IP6K3: variants seen among roughly 807,000 people sequenced by gnomAD.
IP6K3 encodes inositol hexakisphosphate kinase 3.
A neutral mutation model predicts 28.8 loss-of-function variants in IP6K3; 20 were observed. That is an observed-to-expected ratio of 0.70 (90% CI 0.49 to 1.01). The LOEUF (loss-of-function observed/expected upper bound fraction) is 1.01, where lower values mean the gene tolerates loss of function less well. IP6K3 is among the 50% of genes least tolerant of loss of function. IP6K3 has a pLI of 0.00. For missense variants in IP6K3, 480 were observed against 537.1 expected, an observed-to-expected ratio of 0.89 and a Z score of 1.05; for synonymous variants, 213 against 221.3, an observed-to-expected ratio of 0.96 and a Z score of 0.33.
rs867055348 is a variant in IP6K3 at position 33,744,948 on chromosome 6, G to A, written c.-180+1810C>T. 6.6e-6 allele frequency among the ~76,000 whole-genome samples: 1 copy of A among 152,232 alleles called. No individual in the cohort carries two copies. Among genetic ancestry groups the A allele is most frequent in the African/African-American group, 2.4e-5 (1 of 41,468 alleles). ...GGCAGAGCAGGATGGGGTCTCCAGCGATCTCCACCCCATCTGTCCATCCCG... is the reference window on the plus strand; with the variant it reads ...GGCAGAGCAGGATGGGGTCTCCAGCAATCTCCACCCCATCTGTCCATCCCG... On this transcript the variant is annotated intron_variant, in intron 1 of 5. Transcript: ENST00000293756. This position sits in a 1 kb window ranked among gnomAD's most constrained non-coding sequence, Gnocchi z 4.4.
chr6:33,735,960 T>C (rs904382604), intron 1 of IP6K3, among the ~76,000 whole-genome samples: 1 of 151,834 alleles, frequency 6.6e-6, no homozygotes. Context: ...CTTGACCTCC[T>C]GGGCTCAAAT....
rs746168984 is a variant in IP6K3, at chr6:33,726,766, C to T, written c.554G>A (p.Arg185His). 1.2e-5 allele frequency: 19 copies of T among 1,603,544 alleles called. No individual in the cohort carries two copies. Among genetic ancestry groups the T allele is most frequent in the East Asian group, 9.0e-5 (4 of 44,630 alleles). The change falls in exon 4 of 6, where the codon CGC (arginine) becomes CAC (histidine). Residue 185 changes from arginine (R) to histidine (H), a missense_variant. Physicochemically the swap from Arg to His is conservative, Grantham distance 29 (BLOSUM62 0). Coordinates refer to ENST00000293756, the MANE Select transcript of IP6K3 (RefSeq NM_054111.5). Reference sequence around the variant, plus strand: ...GTTCTCTGGGTACTCGGAGCACAGGCGGGTCAGGTGGGCCTGGTGGCATTG... The same window carrying T: ...GTTCTCTGGGTACTCGGAGCACAGGTGGGTCAGGTGGGCCTGGTGGCATTG... ...GLQCHQAHLT[R>H]LCSEYPENKR...
Position 33,726,798 on chromosome 6 carries a change from C to T in IP6K3, c.522G>A (p.Trp174Ter), listed in dbSNP as rs1766130981. 5 of 1,613,014 alleles carry T rather than the reference C, an allele frequency of 3.1e-6. No individual in the cohort carries two copies. In the East Asian group the frequency reaches 1.1e-4, roughly 36 times the overall value. The change falls in exon 4 of 6, where the codon TGG (tryptophan) becomes TGA (stop). Residue 174 changes from tryptophan to a stop codon, truncating the protein, a stop_gained. Coordinates refer to ENST00000293756, the MANE Select transcript of IP6K3 (RefSeq NM_054111.5). LOFTEE classifies it high-confidence loss of function. Reference sequence around the variant, plus strand: ...GGTGGGCCTGGTGGCATTGCAGGCCCCACGGGTTGAAGCTCTTCCTCTCAA... The same window carrying T: ...GGTGGGCCTGGTGGCATTGCAGGCCTCACGGGTTGAAGCTCTTCCTCTCAA... The part of the protein sequence containing the change: ...NQVERKSFNP[W>*]GLQCHQAHLT...
At chr6:33,749,622 C>T (rs571791350), upstream of IP6K3, among the ~76,000 whole-genome samples, 17 of 150,872 alleles carry the variant, frequency 1.1e-4, 1 homozygote, top group East Asian at 3.4e-3. Context: ...GGACAGACAA[C>T]CTCTGCAGGC....
chr6:33,722,775 A>T lies in IP6K3; in HGVS notation c.1178T>A (p.Ile393Asn). 6.2e-7 allele frequency: 1 copy of T among 1,613,820 alleles called. No homozygotes were observed. Among genetic ancestry groups the T allele is most frequent in the Non-Finnish European group, 8.5e-7 (1 of 1,179,924 alleles). ...CCTGATGAGGTTTTCCAGGCCAAAA[A>T]TATAGCCAGGGTCTGGTCCATCGTA... ...TTYDGPDPGY[I>N]FGLENLIRIL... Residue 393 changes from isoleucine to asparagine, a missense_variant, in exon 6 of 6, where the codon ATT becomes AAT. By Grantham distance (149) the Ile-to-Asn change is moderately radical (BLOSUM62 -3). Coordinates refer to ENST00000293756, the MANE Select transcript of IP6K3 (RefSeq NM_054111.5).
chr6:33,747,599 GAGGGTGGTGAGA>G (rs1766949177), upstream of IP6K3, among the ~76,000 whole-genome samples: 1 of 152,184 alleles, frequency 6.6e-6, no homozygotes, highest in South Asian at 2.1e-4. This position sits in a 1 kb window ranked among gnomAD's most constrained non-coding sequence, Gnocchi z 5.2. Flanking sequence ...TTGAGTGGGG[GAGGGTGGTGAGA>G]AGGGGGCTCT....
chr6:33,752,670 C>T, the IP6K3 span, among the ~76,000 whole-genome samples: 2 of 152,186 alleles, frequency 1.3e-5, no homozygotes, highest in African/African-American at 4.8e-5. Flanking sequence ...GAACTAAACC[C>T]CAGTCTCAGA....
upstream of IP6K3, among the ~76,000 whole-genome samples, chr6:33,749,590 G>A (rs1276850730): frequency 6.6e-6 from 1 of 150,394 alleles, no homozygotes; most frequent in East Asian, 2.0e-4. Flanking sequence ...AGCAGCAGGG[G>A]TGCCACCACT....
chr6:33,743,634 A>G (rs1172539674), intron 1 of IP6K3, among the ~76,000 whole-genome samples: 1 of 152,162 alleles, frequency 6.6e-6, no homozygotes. Context: ...CAAGGGCTGT[A>G]GGATGGTGCG....
chr6:33,729,434 G>C (rs1031876966), intron 2 of IP6K3, among the ~76,000 whole-genome samples: 5 of 152,224 alleles, frequency 3.3e-5, no homozygotes, highest in African/African-American at 1.2e-4. Context: ...TGACCTGATG[G>C]AGTATACCAG....
At chr6:33,750,870 A>C (rs957861437), upstream of IP6K3, among the ~76,000 whole-genome samples, 16 of 151,946 alleles carry the variant, frequency 1.1e-4, no homozygotes, top group Non-Finnish European at 2.4e-4. The surrounding 1 kb of genome is among the most constrained non-coding windows in gnomAD (Gnocchi z 4.3). Flanking sequence ...CCCATGACCC[A>C]GTGTTCCTGC....
the IP6K3 span, among the ~76,000 whole-genome samples, chr6:33,761,804 C>A: frequency 6.6e-6 from 1 of 152,044 alleles, no homozygotes; most frequent in African/African-American, 2.4e-5. Flanking sequence ...GGATGAGGGT[C>A]TGGGGACAGG....
intron 2 of IP6K3, among the ~76,000 whole-genome samples, chr6:33,732,705 A>C (rs1431020297): frequency 1.3e-5 from 2 of 152,160 alleles, no homozygotes; most frequent in Non-Finnish European, 2.9e-5. Context: ...GGGCGGATAA[A>C]GGTCCCTGCC....
intron 1 of IP6K3, among the ~76,000 whole-genome samples, chr6:33,738,475 A>G (rs72878702): frequency 0.017 from 2,600 of 152,376 alleles, 32 homozygotes; most frequent in Middle Eastern, 0.027. Flanking sequence ...AAATGGTTAC[A>G]TGCATACAGC....
At chr6:33,738,040 C>T (rs1393679598) in intron 1 of IP6K3, among the ~76,000 whole-genome samples, 1 of 152,250 alleles carries the variant, frequency 6.6e-6, no homozygotes, top group Non-Finnish European at 1.5e-5. Flanking sequence ...TAAACCCAAT[C>T]CTACTTGCAA....
At chr6:33,731,174 C>T (rs538204372) in intron 2 of IP6K3, among the ~76,000 whole-genome samples, 104 of 152,304 alleles carry the variant, frequency 6.8e-4, no homozygotes, top group African/African-American at 2.4e-3. Flanking sequence ...CCCGAGGCCT[C>T]CTAGCTGCCT....
chr6:33,757,702 A>G, the IP6K3 span, among the ~76,000 whole-genome samples: 3 of 152,186 alleles, frequency 2.0e-5, no homozygotes, highest in Admixed American at 6.5e-5. Flanking sequence ...CAAGAACCCA[A>G]CTAAATGTGA....
At chr6:33,748,349 G>A (rs904539526), upstream of IP6K3, among the ~76,000 whole-genome samples, 1 of 152,056 alleles carries the variant, frequency 6.6e-6, no homozygotes, top group Admixed American at 6.5e-5. Context: ...GAGGTAAGAT[G>A]GGGCAGGTGG....
rs376692631 is a variant in IP6K3, at chr6:33,744,160, G to A, written c.-180+2598C>T. 1.5e-4 allele frequency among the ~76,000 whole-genome samples: 23 copies of A among 152,288 alleles called. No homozygotes were observed. The East Asian group carries it at 1.5e-3, about 10-fold the overall frequency. On this transcript the variant is annotated intron_variant, in intron 1 of 5. Transcript: ENST00000293756. The surrounding 1 kb of genome is among the most constrained non-coding windows in gnomAD (Gnocchi z 4.4). ...CCTGGACACGCAGCTCCTCAGCCAT[G>A]GTTAGCAACTGCTTTGACAGCCCCT...
Sources: gnomAD v4.1 joint callset for allele counts (sites outside exome capture counted in the v4.1 genomes callset) on GRCh38, gnomAD v4.1.1 for gene constraint, Gnocchi (gnomAD v3.1) non-coding constraint, MANE v1.5 for transcripts, NCBI Gene and HGNC (gene_info 2026-07-23, HGNC 2026-07-21) for gene names.